Variants in GMDS observed in about 807,000 individuals in gnomAD.
GMDS encodes GDP-mannose 4,6 dehydratase.
In GMDS, 20 loss-of-function variants were observed where a neutral mutation model predicts 49.9. The ratio of observed to expected loss-of-function variants is 0.40; its 90% CI spans 0.28 to 0.58. The LOEUF is 0.58. GMDS is among the 20% of genes least tolerant of loss of function. GMDS has a pLI of 0.42. For missense variants in GMDS, 362 were observed against 481.4 expected, an observed-to-expected ratio of 0.75 and a Z score of 2.32; for synonymous variants, 177 against 178.6, an observed-to-expected ratio of 0.99 and a Z score of 0.07.
chr6:2,201,375 T>C (rs1364493804), intron 1 of GMDS, among the ~76,000 whole-genome samples: 1 of 118,192 alleles, frequency 8.5e-6, no homozygotes, highest in Non-Finnish European at 1.8e-5. Context: ...GAGCACCACA[T>C]GCACATCTGA....
chr6:2,138,011 A>G (rs1348566251), intron 1 of GMDS, among the ~76,000 whole-genome samples: 3 of 152,232 alleles, frequency 2.0e-5, no homozygotes, highest in Admixed American at 1.3e-4. Flanking sequence ...AATTCGGTCT[A>G]AGAGAGCTGG....
At chr6:1,644,381 T>C (rs990729906) in intron 9 of GMDS, among the ~76,000 whole-genome samples, 3 of 152,206 alleles carry the variant, frequency 2.0e-5, no homozygotes, top group Admixed American at 6.5e-5. Context: ...TGCCTTCCTG[T>C]TGGCGTCTCA....
intron 1 of GMDS, among the ~76,000 whole-genome samples, chr6:2,186,724 C>T (rs991510887): frequency 2.6e-5 from 4 of 152,138 alleles, no homozygotes; most frequent in African/African-American, 9.7e-5. Flanking sequence ...TACACAGTTT[C>T]GCTTAGGAGG....
intron 6 of GMDS, among the ~76,000 whole-genome samples, chr6:1,948,747 T>C (rs1260392453): frequency 1.3e-5 from 2 of 152,242 alleles, no homozygotes; most frequent in Non-Finnish European, 2.9e-5. Flanking sequence ...AGCCTTTCAT[T>C]CATCATCGTC....
intron 7 of GMDS, among the ~76,000 whole-genome samples, chr6:1,847,287 C>T (rs1426902304): frequency 1.3e-5 from 2 of 152,136 alleles, no homozygotes; most frequent in African/African-American, 2.4e-5. Flanking sequence ...AACTCCTGGG[C>T]TCAAGTGATC....
chr6:2,235,787 G>A (rs1020734766), intron 1 of GMDS, among the ~76,000 whole-genome samples: 6 of 148,680 alleles, frequency 4.0e-5, no homozygotes. Context: ...ACTCCAGCCT[G>A]AGCAAGACCC....
intron 1 of GMDS, among the ~76,000 whole-genome samples, chr6:2,235,599 A>G (rs942144536): frequency 6.6e-6 from 1 of 151,788 alleles, no homozygotes; most frequent in Non-Finnish European, 1.5e-5. Flanking sequence ...TGAGCCAAGG[A>G]GTTTGAAACC....
At chr6:1,698,726 C>G (rs2113357765) in intron 9 of GMDS, among the ~76,000 whole-genome samples, 1 of 151,332 alleles carries the variant, frequency 6.6e-6, no homozygotes, top group Admixed American at 6.6e-5. Context: ...GTGCGCGACC[C>G]TGGACAGAGG....
At chr6:2,240,815 TA>T (rs1176329846) in intron 1 of GMDS, among the ~76,000 whole-genome samples, 23 of 152,236 alleles carry the variant, frequency 1.5e-4, no homozygotes, top group African/African-American at 5.5e-4. Context: ...AGGAAGATGG[TA>T]ATTCAGTCTG....
At chr6:1,879,437 C>T (rs3800115) in intron 7 of GMDS, among the ~76,000 whole-genome samples, 71,319 of 152,016 alleles carry the variant, frequency 0.47, 19,618 homozygotes, top group Non-Finnish European at 0.61. Context: ...GACTTCAGAG[C>T]CCCTATGGGC....
intron 9 of GMDS, among the ~76,000 whole-genome samples, chr6:1,673,826 C>T (rs193229053): frequency 6.6e-6 from 1 of 151,934 alleles, no homozygotes; most frequent in Non-Finnish European, 1.5e-5. Flanking sequence ...TTTCATTTAG[C>T]GACATACATT....
intron 7 of GMDS, among the ~76,000 whole-genome samples, chr6:1,867,491 A>G (rs1347804600): frequency 6.6e-6 from 1 of 152,192 alleles, no homozygotes; most frequent in East Asian, 1.9e-4. Flanking sequence ...TCTAGAATCC[A>G]TTTATCTGGA....
intron 4 of GMDS, among the ~76,000 whole-genome samples, chr6:2,110,193 C>T (rs563686785): frequency 6.6e-6 from 1 of 152,118 alleles, no homozygotes; most frequent in South Asian, 2.1e-4. Flanking sequence ...CACCAACCGC[C>T]CTTCCCCCCC....
chr6:2,209,570 T>TACACACACACACAC lies in GMDS; in HGVS notation c.102+35737_102+35750dup, dbSNP rs61216869. ...TAATACACATACATACACATACACA[T>TACACACACACACAC]ACACACACACACACACACACACACA... On this transcript the variant is annotated intron_variant, in intron 1 of 10. Coordinates refer to ENST00000380815, the MANE Select transcript of GMDS (RefSeq NM_001500.4). Among the ~76,000 whole-genome samples, 10 of 135,984 alleles carry TACACACACACACAC rather than the reference T, an allele frequency of 7.4e-5. No homozygotes were observed. The South Asian group carries it at 1.4e-3, about 19-fold the overall frequency. 89.2% of individuals were successfully genotyped at this position (135,984 alleles called of 152,430 possible).
intron 6 of GMDS, 193 bp downstream of exon 6, chr6:1,959,674 C>A: frequency 2.6e-6 from 1 of 384,398 alleles, no homozygotes. Context: ...ATTTAAAATC[C>A]CACAAACTCA....
chr6:1,650,416 G>A (rs530447368), intron 9 of GMDS, among the ~76,000 whole-genome samples: 1 of 152,142 alleles, frequency 6.6e-6, no homozygotes, highest in Non-Finnish European at 1.5e-5. Context: ...GCTTGGTACA[G>A]TGGCACCTTT....
rs137908045 is a variant in GMDS, at chr6:1,677,514, C to T, written c.987+48902G>A. Among the ~76,000 whole-genome samples the T allele has an allele frequency of 5.7e-3, 866 of 152,090 alleles. 5 individuals are homozygous for T. The highest frequency in any genetic ancestry group is 0.019 in the African/African-American group (803 of 41,494). On this transcript the variant is annotated intron_variant, in intron 9 of 10. Transcript: ENST00000380815. ...ATGCACACGTATGTTTATTGTGGCA[C>T]TATTCACAATAGCAAAGACTTGGAA... is the stretch of plus-strand genomic sequence containing the variant.
At chr6:1,644,935 T>A (rs1763441307) in intron 9 of GMDS, among the ~76,000 whole-genome samples, 1 of 151,530 alleles carries the variant, frequency 6.6e-6, no homozygotes, top group Admixed American at 6.6e-5. Flanking sequence ...TGGTCCTTTT[T>A]TTTTTTTTTT....
chr6:2,240,601 C>CAAA (rs57052982), intron 1 of GMDS, among the ~76,000 whole-genome samples: 2 of 84,064 alleles, frequency 2.4e-5, no homozygotes, highest in African/African-American at 7.3e-5. Flanking sequence ...AAGACTGTCT[C>CAAA]AAAAAAAAAA....
Sources: allele counts gnomAD v4.1 joint callset (sites outside exome capture counted in the v4.1 genomes callset), GRCh38; gene constraint gnomAD v4.1.1; transcripts MANE v1.5; gene names NCBI Gene and HGNC (gene_info 2026-07-23, HGNC 2026-07-21).